FOXJ3: variants seen among roughly 807,000 people sequenced by gnomAD.
The protein encoded by FOXJ3 is forkhead box protein J3.
In FOXJ3, 22 loss-of-function variants were observed where a neutral mutation model predicts 76.1. The observed-to-expected ratio is 0.29, with a 90% CI of 0.21 to 0.41. FOXJ3 has a LOEUF of 0.41. Ranked by LOEUF, FOXJ3 falls within the 10% of genes least tolerant of loss-of-function variation. The pLI, the probability that FOXJ3 is intolerant of heterozygous loss-of-function variation, is 1.00. For synonymous variants in FOXJ3, 269 were observed against 261.2 expected, an observed-to-expected ratio of 1.03 and a Z score of -0.29; for missense variants, 613 against 762.1, an observed-to-expected ratio of 0.80 and a Z score of 2.30.
chr1:42,283,248 G>A (rs905858132), intron 2 of FOXJ3, among the ~76,000 whole-genome samples: 2 of 152,072 alleles, frequency 1.3e-5, no homozygotes, highest in Non-Finnish European at 2.9e-5. Context: ...GATCTATGAT[G>A]GTAACTATTA....
intron 4 of FOXJ3, among the ~76,000 whole-genome samples, chr1:42,229,898 A>G (rs1377781623): frequency 6.6e-6 from 1 of 152,240 alleles, no homozygotes; most frequent in African/African-American, 2.4e-5. Flanking sequence ...GACAAATTCC[A>G]GCATTTAGTT....
At chr1:42,221,354 A>C (rs568558819) in intron 5 of FOXJ3, among the ~76,000 whole-genome samples, 36 of 152,354 alleles carry the variant, frequency 2.4e-4, no homozygotes, top group African/African-American at 8.4e-4. Flanking sequence ...AAAAGATTTA[A>C]GTTAAAAAGG....
chr1:42,211,132 T>C (rs952840866), intron 5 of FOXJ3, among the ~76,000 whole-genome samples: 1 of 152,196 alleles, frequency 6.6e-6, no homozygotes, highest in Admixed American at 6.5e-5. Context: ...GTGAAGGGTC[T>C]TGAAGAAGAT....
rs537678876 is a variant in FOXJ3, at chr1:42,278,767, G to A, written c.45-95C>T. 3.3e-5 allele frequency: 29 copies of A among 886,808 alleles called. No individual in the cohort carries two copies. In the South Asian group the frequency reaches 5.0e-4, roughly 15 times the overall value. 54.9% of individuals were successfully genotyped at this position (886,808 alleles called of 1,614,324 possible). A position where few individuals can be genotyped will look rare whatever the true frequency, so the allele number is the denominator to read the frequency against. On this transcript the variant is annotated intron_variant, in intron 2 of 12. Transcript: ENST00000361346. ...ACAAATCTAGGAGTTCCAAAGTGAG[G>A]GAAAGCCTGAGTTACATCTGGAGGA...
Position 42,272,286 on chromosome 1 carries a change from T to C in FOXJ3, c.369+6062A>G, listed in dbSNP as rs147247208. On this transcript the variant is annotated intron_variant, in intron 3 of 12. Transcript: ENST00000361346. ...TATCGCCTCCATACCTGAAGAAGAGTTAGCAGCAGACTGCTGAAGTGTTCT... is the reference window on the plus strand; with the variant it reads ...TATCGCCTCCATACCTGAAGAAGAGCTAGCAGCAGACTGCTGAAGTGTTCT... Among the ~76,000 whole-genome samples, 16 of 152,304 alleles carry C rather than the reference T, an allele frequency of 1.1e-4. 1 individual carries two copies. Among genetic ancestry groups the C allele is most frequent in the African/African-American group, 3.6e-4 (15 of 41,562 alleles).
chr1:42,214,022 A>G (rs1445900900), intron 5 of FOXJ3, among the ~76,000 whole-genome samples: 1 of 152,218 alleles, frequency 6.6e-6, no homozygotes, highest in East Asian at 1.9e-4. Context: ...GTACCCCATA[A>G]ATATATACAA....
chr1:42,202,496 G>A (rs1192387298), intron 6 of FOXJ3, among the ~76,000 whole-genome samples: 6 of 152,114 alleles, frequency 3.9e-5, no homozygotes, highest in South Asian at 2.1e-4. Flanking sequence ...GTGGCAATCC[G>A]GATCTATGCA....
chr1:42,251,421 G>A (rs1410908332), intron 4 of FOXJ3, among the ~76,000 whole-genome samples: 4 of 152,168 alleles, frequency 2.6e-5, no homozygotes, highest in Non-Finnish European at 1.5e-5. Context: ...TATAGAATTT[G>A]TTGCCTGCAA....
chr1:42,205,716 G>A lies in FOXJ3; in HGVS notation c.630+46C>T, dbSNP rs756804082. ...TCATTATTACAAAGGCAAATTAAAT[G>A]TACTACTCAATGACATTTCAATAAT... On this transcript the variant is annotated intron_variant, in intron 6 of 12. Transcript: ENST00000361346. 2.2e-5 allele frequency: 23 copies of A among 1,038,662 alleles called. 1 individual carries two copies. Among genetic ancestry groups the A allele is most frequent in the Admixed American group, 1.4e-4 (8 of 57,564 alleles). 64.3% of individuals were successfully genotyped at this position (1,038,662 alleles called of 1,614,324 possible). A position where few individuals can be genotyped will look rare whatever the true frequency, so the allele number is the denominator to read the frequency against.
intron 5 of FOXJ3, among the ~76,000 whole-genome samples, chr1:42,214,432 T>C (rs1054916066): frequency 2.0e-5 from 3 of 152,206 alleles, no homozygotes; most frequent in South Asian, 2.1e-4. Flanking sequence ...AAAGTATCGA[T>C]GAATCTAATC....
At chr1:42,219,264 C>T (rs971599192) in intron 5 of FOXJ3, among the ~76,000 whole-genome samples, 8 of 152,218 alleles carry the variant, frequency 5.3e-5, no homozygotes, top group African/African-American at 1.9e-4. Context: ...CCTTGTCCAT[C>T]ATATCCACTT....
chr1:42,302,222 G>C (rs1654195191), intron 2 of FOXJ3, among the ~76,000 whole-genome samples: 1 of 152,224 alleles, frequency 6.6e-6, no homozygotes, highest in Non-Finnish European at 1.5e-5. Flanking sequence ...CTGCACACTT[G>C]TGTCAGCAGA....
At chr1:42,196,898 C>T (rs1646661850) in intron 7 of FOXJ3, among the ~76,000 whole-genome samples, 1 of 152,156 alleles carries the variant, frequency 6.6e-6, no homozygotes. Flanking sequence ...ACTTAAATTA[C>T]TTCAAAAAGC....
intron 5 of FOXJ3, among the ~76,000 whole-genome samples, chr1:42,206,617 T>C (rs1298058311): frequency 6.6e-6 from 1 of 152,214 alleles, no homozygotes; most frequent in Non-Finnish European, 1.5e-5. Context: ...TTTTTATTGA[T>C]ACATATTAGA....
chr1:42,256,114 T>C (rs1201093355), intron 4 of FOXJ3, among the ~76,000 whole-genome samples: 3 of 152,228 alleles, frequency 2.0e-5, no homozygotes, highest in African/African-American at 7.2e-5. Flanking sequence ...CAATTTGCAA[T>C]GGGCCTAAAT....
chr1:42,309,829 G>A (rs908165474), intron 2 of FOXJ3, among the ~76,000 whole-genome samples: 1 of 152,198 alleles, frequency 6.6e-6, no homozygotes, highest in Non-Finnish European at 1.5e-5. Flanking sequence ...CCAGTGTGAA[G>A]GTAGAACATG....
chr1:42,204,172 C>T (rs1377983312), intron 6 of FOXJ3, among the ~76,000 whole-genome samples: 3 of 151,942 alleles, frequency 2.0e-5, no homozygotes. Context: ...GGAAATGCAC[C>T]AAAGGAAAAT....
intron 3 of FOXJ3, among the ~76,000 whole-genome samples, chr1:42,269,494 TCAGTTA>T (rs1232989949): frequency 6.6e-6 from 1 of 152,154 alleles, no homozygotes; most frequent in Non-Finnish European, 1.5e-5. Context: ...CTAGCCAATC[TCAGTTA>T]CAGCCAATTG....
chr1:42,247,600 C>T (rs1649652251), intron 4 of FOXJ3, among the ~76,000 whole-genome samples: 1 of 152,094 alleles, frequency 6.6e-6, no homozygotes, highest in African/African-American at 2.4e-5. Context: ...ATTTTATACC[C>T]GCAAGGATGA....
Sources: gnomAD v4.1 joint callset for allele counts (sites outside exome capture counted in the v4.1 genomes callset) on GRCh38, gnomAD v4.1.1 for gene constraint, MANE v1.5 for transcripts, NCBI Gene and HGNC (gene_info 2026-07-23, HGNC 2026-07-21) for gene names.